DDX19B: variants seen among roughly 807,000 people sequenced by gnomAD.
The protein encoded by DDX19B is ATP-dependent RNA helicase DDX19B.
A neutral mutation model predicts 58.1 loss-of-function variants in DDX19B; 27 were observed. That is an observed-to-expected ratio of 0.46 (90% CI 0.34 to 0.64). DDX19B has a LOEUF of 0.64. DDX19B is among the 30% of genes least tolerant of loss of function. The pLI is 0.01. For synonymous variants in DDX19B, 187 were observed against 214.4 expected, an observed-to-expected ratio of 0.87 and a Z score of 1.12; for missense variants, 399 against 596.5, an observed-to-expected ratio of 0.67 and a Z score of 3.45.
chr16:70,295,192 T>A, upstream of DDX19B: 1 of 701,576 alleles, frequency 1.4e-6, no homozygotes, highest in African/African-American at 1.9e-5. Flanking sequence ...CACGCCCGCT[T>A]TGGAAACCAG....
intron 5 of DDX19B, among the ~76,000 whole-genome samples, chr16:70,321,018 A>G (rs574496615): frequency 2.1e-5 from 3 of 143,868 alleles, no homozygotes; most frequent in South Asian, 4.4e-4. Flanking sequence ...GCTGGAGTGC[A>G]ATGGCGCGAT....
intron 5 of DDX19B, among the ~76,000 whole-genome samples, chr16:70,323,426 TTC>T (rs1230902358): frequency 3.3e-5 from 5 of 151,006 alleles, no homozygotes; most frequent in African/African-American, 9.8e-5. Context: ...TTTTTCTTTT[TTC>T]TTTTTTTTTT....
rs1405352098 is a variant in DDX19B, at chr16:70,333,068, C to T, written c.1287C>T (p.Arg429=). 2.5e-6 allele frequency: 4 copies of T among 1,607,558 alleles called. No homozygotes were observed. The highest frequency in any genetic ancestry group is 3.4e-6 in the Non-Finnish European group (4 of 1,176,212). ...DNETYLHRIG[R]TGRFGKRGLA... The stretch of plus-strand genomic sequence containing the variant: ...AGACCTACCTGCACCGGATCGGGCG[C>T]ACGGGCCGCTTTGGCAAGAGGGGCC... Residue 429 remains arginine (R), a synonymous_variant, in exon 11 of 12, where the codon CGC becomes CGT. Coordinates refer to ENST00000288071, the MANE Select transcript of DDX19B (RefSeq NM_007242.7).
chr16:70,295,021 C>A, upstream of DDX19B: 1 of 1,360,318 alleles, frequency 7.4e-7, no homozygotes, highest in Non-Finnish European at 9.5e-7. Context: ...CTCGAGGCTT[C>A]GGCCCAAGGT....
rs1314116066 is a variant in DDX19B at position 70,333,058 on chromosome 16, G to A, written c.1277G>A (p.Arg426Gln). ...GNPDNETYLH[R>Q]IGRTGRFGKR... ...CCTGACAATGAGACCTACCTGCACC[G>A]GATCGGGCGCACGGGCCGCTTTGGC... Residue 426 changes from arginine to glutamine, a missense_variant, in exon 11 of 12, where the codon CGG becomes CAG. Around this residue, in one of 4 missense-constraint regions of DDX19B, gnomAD observed 198 missense variants for 345.9 expected, o/e 0.57. Coordinates refer to ENST00000288071, the MANE Select transcript of DDX19B (RefSeq NM_007242.7). The A allele has an allele frequency of 1.2e-6, 2 of 1,610,576 alleles. No individual in the cohort carries two copies. The highest frequency in any genetic ancestry group is 1.7e-6 in the Non-Finnish European group (2 of 1,178,064).
chr16:70,290,859 A>G (rs898213015), upstream of DDX19B, among the ~76,000 whole-genome samples: 3 of 152,196 alleles, frequency 2.0e-5, no homozygotes, highest in Non-Finnish European at 2.9e-5. Context: ...TGGAGACAGG[A>G]TCCAAACCTG....
chr16:70,293,642 T>C (rs938720656), upstream of DDX19B, among the ~76,000 whole-genome samples: 27 of 133,128 alleles, frequency 2.0e-4, 1 homozygote, highest in East Asian at 5.4e-3. Context: ...TCTCGCTCTG[T>C]CGCCCAGGCC....
chr16:70,302,684 GA>G (rs1405826719), intron 1 of DDX19B, among the ~76,000 whole-genome samples: 2 of 152,150 alleles, frequency 1.3e-5, no homozygotes, highest in African/African-American at 4.8e-5. Flanking sequence ...ACAATATGAA[GA>G]AAGCTACTCT....
At chr16:70,332,655 A>C (rs1963539457) in intron 10 of DDX19B, among the ~76,000 whole-genome samples, 1 of 152,070 alleles carries the variant, frequency 6.6e-6, no homozygotes, top group African/African-American at 2.4e-5. Context: ...ACCTGTGGAC[A>C]ACAGTGATTT....
upstream of DDX19B, among the ~76,000 whole-genome samples, chr16:70,293,597 AT>A (rs71151182): frequency 1.6e-3 from 122 of 77,020 alleles, 2 homozygotes; most frequent in South Asian, 0.016. Flanking sequence ...GGATGGCTGA[AT>A]TTTTTTTTTT....
At chr16:70,312,175 G>A (rs1275983128) in intron 1 of DDX19B, among the ~76,000 whole-genome samples, 1 of 151,990 alleles carries the variant, frequency 6.6e-6, no homozygotes, top group Non-Finnish European at 1.5e-5. Context: ...TCCCTTCCCA[G>A]TGTTCTCCAA....
Position 70,299,354 on chromosome 16 carries a change from G to C in DDX19B, c.57G>C (p.Ser19=), listed in dbSNP as rs776708072. The C allele has an allele frequency of 1.2e-6, 2 of 1,607,302 alleles. No individual in the cohort carries two copies. The highest frequency in any genetic ancestry group is 1.7e-5 in the Admixed American group (1 of 59,010). ...ACGAGCAGGAAGCTGCGGCTGAGTC[G>C]GTGAGTTGGCTTCAGCCCTAAAAGG... The part of the protein sequence containing the change: ...AVDEQEAAAE[S]LSNLHLKEEK... The change falls in exon 1 of 12, where the codon TCG becomes TCC. Residue 19 remains serine, a splice_region_variant and synonymous_variant. Coordinates refer to ENST00000288071, the MANE Select transcript of DDX19B (RefSeq NM_007242.7).
chr16:70,321,641 A>G (rs904376852), intron 5 of DDX19B, among the ~76,000 whole-genome samples: 1 of 152,264 alleles, frequency 6.6e-6, no homozygotes, highest in East Asian at 1.9e-4. Context: ...TTATTAAAAT[A>G]TAACAGGTGA....
At chr16:70,312,348 T>G (rs11860870) in intron 1 of DDX19B, among the ~76,000 whole-genome samples, 10,733 of 152,226 alleles carry the variant, frequency 0.071, 1,273 homozygotes, top group African/African-American at 0.24. Context: ...TTAAGCAAAC[T>G]CACAAATTAC....
upstream of DDX19B, chr16:70,298,975 C>T: frequency 2.6e-6 from 1 of 383,058 alleles, no homozygotes; most frequent in Non-Finnish European, 4.5e-6. Context: ...CTGTGTTGGG[C>T]GGGAATCTGA....
chr16:70,333,706 C>T lies in DDX19B; in HGVS notation c.*124C>T. ...GCACAAGTAGAGAGAAACTACCTAC[C>T]TCACTTCAAATTATGTTTGGACTTG... On this transcript the variant is annotated 3_prime_UTR_variant, in exon 12 of 12. Transcript: ENST00000288071. The T allele has an allele frequency of 7.0e-7, 1 of 1,424,668 alleles. No homozygotes were observed. The highest frequency in any genetic ancestry group is 9.8e-7 in the Non-Finnish European group (1 of 1,025,498). The allele number at this position is 1,424,668 out of a possible 1,614,324, so 88.3% of individuals were successfully genotyped here. A position where few individuals can be genotyped will look rare whatever the true frequency, so the allele number is the denominator to read the frequency against.
chr16:70,301,718 A>T (rs1961496535), intron 1 of DDX19B, among the ~76,000 whole-genome samples: 1 of 136,484 alleles, frequency 7.3e-6, no homozygotes. Context: ...TTTTTAAGAC[A>T]GTGTCTGTCT....
At chr16:70,312,680 G>C in intron 2 of DDX19B, 23 bp downstream of exon 2, 4 of 1,587,684 alleles carry the variant, frequency 2.5e-6, no homozygotes, top group Non-Finnish European at 3.4e-6. Context: ...TAGCTAGTTT[G>C]AAAACAAATG....
Position 70,314,916 on chromosome 16 carries a change from A to C in DDX19B, c.121A>C (p.Thr41Pro), listed in dbSNP as rs753929931. 2.5e-6 allele frequency: 4 copies of C among 1,609,520 alleles called. No individual in the cohort carries two copies. The highest frequency in any genetic ancestry group is 3.4e-6 in the Non-Finnish European group (4 of 1,177,010). The change falls in exon 3 of 12, where the codon ACC becomes CCC. Residue 41 changes from threonine (T) to proline (P), a missense_variant. Around this residue, in one of 4 missense-constraint regions of DDX19B, gnomAD observed 132 missense variants for 159.4 expected, o/e 0.83. Transcript: ENST00000288071. ...TGTCTATAAAGGTGCTGTTGTCAAG[A>C]CCAATGCCAATGCAGAGAAGACAGA... Reference protein sequence around the residue: ...KPDTNGAVVKTNANAEKTDEE... With the variant: ...KPDTNGAVVKPNANAEKTDEE...
Sources: gnomAD v4.1 joint callset for allele counts (sites outside exome capture counted in the v4.1 genomes callset) on GRCh38, gnomAD v4.1.1 for gene constraint, gnomAD v4.1.1 regional missense constraint, MANE v1.5 for transcripts, NCBI Gene and HGNC (gene_info 2026-07-23, HGNC 2026-07-21) for gene names.